The following DPYD variants were observed in gnomAD, a reference collection of about 807,000 sequenced individuals.
DPYD encodes the protein dihydropyrimidine dehydrogenase [NADP(+)].
Under a neutral mutation model 116.2 loss-of-function variants are expected in DPYD, and 109 were observed. The observed-to-expected ratio is 0.94, with a 90% CI of 0.80 to 1.10. The LOEUF (loss-of-function observed/expected upper bound fraction) is 1.10, where lower values mean the gene tolerates loss of function less well. Among genes scored for constraint, DPYD ranks in the 50% least tolerant of loss-of-function variants. The probability of loss-of-function intolerance (pLI) is 0.00; values close to 1 mark genes in which losing one functional copy is unlikely to be tolerated. For missense variants in DPYD, 1,302 were observed against 1,254.5 expected, an observed-to-expected ratio of 1.04 and a Z score of -0.57; for synonymous variants, 440 against 432.0, an observed-to-expected ratio of 1.02 and a Z score of -0.23.
At chr1:97,871,611 A>T (rs1270972648) in intron 2 of DPYD, among the ~76,000 whole-genome samples, 1 of 151,496 alleles carries the variant, frequency 6.6e-6, no homozygotes, top group African/African-American at 2.4e-5. Context: ...AAAATCACAG[A>T]AAAAGAATCC....
chr1:97,639,337 G>T, intron 8 of DPYD, among the ~76,000 whole-genome samples: 1 of 152,032 alleles, frequency 6.6e-6, no homozygotes, highest in East Asian at 1.9e-4. Context: ...ATATGTGTGT[G>T]TACTAAATTA....
intron 20 of DPYD, among the ~76,000 whole-genome samples, chr1:97,175,646 T>C (rs1657195517): frequency 6.6e-6 from 1 of 152,186 alleles, no homozygotes; most frequent in Admixed American, 6.5e-5. Context: ...GTCTAGAGAA[T>C]GTCTGTTTCT....
chr1:97,306,197 A>T lies in DPYD; in HGVS notation c.2159T>A (p.Ile720Asn), dbSNP rs1344721835. 2.5e-6 allele frequency: 4 copies of T among 1,612,588 alleles called. No homozygotes were observed. In the Admixed American group the frequency reaches 5.0e-5, roughly 20 times the overall value. Residue 720 changes from isoleucine (I) to asparagine (N), a missense_variant, in exon 17 of 23, where the codon ATC (isoleucine) becomes AAC (asparagine). By Grantham distance (149) the Ile-to-Asn change is moderately radical. Transcript: ENST00000370192. Reference protein sequence around the residue: ...LTPNVTDIVSIARAAKEGGAN... With the variant: ...LTPNVTDIVSNARAAKEGGAN... The stretch of plus-strand genomic sequence containing the variant: ...CTTACCTTCCTTTGCAGCTCTTGCG[A>T]TGCTCACAATATCAGTGACATTTGG...
chr1:97,317,202 G>C (rs2101082245), intron 16 of DPYD, among the ~76,000 whole-genome samples: 1 of 152,048 alleles, frequency 6.6e-6, no homozygotes, highest in East Asian at 2.0e-4. Flanking sequence ...CATACAAAAA[G>C]GGTGTCATCC....
intron 11 of DPYD, among the ~76,000 whole-genome samples, chr1:97,571,697 CATGAAT>C (rs1306692165): frequency 6.6e-6 from 1 of 151,962 alleles, no homozygotes; most frequent in East Asian, 1.9e-4. Flanking sequence ...AGAGGATTAA[CATGAAT>C]ATCTTCTCTT....
At chr1:97,352,661 A>AT (rs937115478) in intron 16 of DPYD, among the ~76,000 whole-genome samples, 27 of 150,614 alleles carry the variant, frequency 1.8e-4, no homozygotes, top group African/African-American at 2.4e-4. Flanking sequence ...TGGTTGTTTG[A>AT]TTTTTTTTTC....
intron 16 of DPYD, among the ~76,000 whole-genome samples, chr1:97,369,898 C>T (rs948298320): frequency 6.6e-6 from 1 of 152,124 alleles, no homozygotes; most frequent in Non-Finnish European, 1.5e-5. Flanking sequence ...AAAAAGCGAG[C>T]AGCATTAGTT....
chr1:97,644,666 G>A (rs1463589734), intron 8 of DPYD, among the ~76,000 whole-genome samples: 3 of 150,878 alleles, frequency 2.0e-5, no homozygotes, highest in African/African-American at 7.3e-5. Flanking sequence ...CACCACATTG[G>A]CCAGGCTGGT....
intron 2 of DPYD, among the ~76,000 whole-genome samples, chr1:97,861,286 T>C (rs1671102710): frequency 6.6e-6 from 1 of 151,510 alleles, no homozygotes; most frequent in Non-Finnish European, 1.5e-5. Flanking sequence ...GCTCCTTAAC[T>C]CAGGAAGAAA....
intron 8 of DPYD, among the ~76,000 whole-genome samples, chr1:97,678,040 A>G (rs1372317417): frequency 6.6e-6 from 1 of 152,158 alleles, no homozygotes; most frequent in Non-Finnish European, 1.5e-5. Context: ...GTGGTCCCCA[A>G]CCTTTTTGGC....
chr1:97,391,756 T>C (rs1672717148), intron 14 of DPYD, among the ~76,000 whole-genome samples: 1 of 152,016 alleles, frequency 6.6e-6, no homozygotes. Flanking sequence ...ACAAACCTCC[T>C]CATATCACAC....
intron 3 of DPYD, among the ~76,000 whole-genome samples, chr1:97,812,958 G>C (rs1668408735): frequency 6.6e-6 from 1 of 152,044 alleles, no homozygotes; most frequent in Non-Finnish European, 1.5e-5. Flanking sequence ...AAAAATTTCA[G>C]ATGAACAGAT....
At chr1:97,217,293 G>C (rs904859107) in intron 19 of DPYD, among the ~76,000 whole-genome samples, 4 of 152,182 alleles carry the variant, frequency 2.6e-5, no homozygotes, top group African/African-American at 9.6e-5. Context: ...TTGTATTTCA[G>C]TGTTGTACTT....
intron 2 of DPYD, among the ~76,000 whole-genome samples, chr1:97,840,558 C>T (rs887233925): frequency 2.0e-5 from 3 of 151,948 alleles, no homozygotes; most frequent in Non-Finnish European, 4.4e-5. Flanking sequence ...GTCTTCATTT[C>T]CCAAATATTT....
intron 3 of DPYD, chr1:97,775,122 C>T (rs979859168): frequency 6.4e-6 from 1 of 155,564 alleles, no homozygotes; most frequent in African/African-American, 2.4e-5. Flanking sequence ...TTCACTTGTA[C>T]TCTCAATTTC....
chr1:97,587,288 G>A (rs1290093705), intron 10 of DPYD, among the ~76,000 whole-genome samples: 1 of 152,184 alleles, frequency 6.6e-6, no homozygotes, highest in Non-Finnish European at 1.5e-5. Context: ...AAGATTTTGT[G>A]TGAGTGTTCG....
intron 3 of DPYD, among the ~76,000 whole-genome samples, chr1:97,793,443 T>C (rs1014507650): frequency 6.6e-6 from 1 of 152,112 alleles, no homozygotes. Flanking sequence ...TTGAGAACTA[T>C]AACTAACTGA....
chr1:97,319,343 A>G (rs1403356950), intron 16 of DPYD, among the ~76,000 whole-genome samples: 5 of 148,944 alleles, frequency 3.4e-5, no homozygotes, highest in Non-Finnish European at 1.5e-5. Flanking sequence ...AGCAAGACTA[A>G]TAAAGAAAAA....
rs191785510 is a variant in DPYD, at chr1:97,541,600, T to C, written c.1524+7960A>G. Among the ~76,000 whole-genome samples, 433 of 152,318 alleles carry C rather than the reference T, an allele frequency of 2.8e-3. 2 individuals carry two copies. Among genetic ancestry groups the C allele is most frequent in the Admixed American group, 6.1e-3 (93 of 15,304 alleles). Reference sequence around the variant, plus strand: ...AAAAAGGAAAATGAGAAAATATCTATATGCTTTAAATAAAATTATAAGCTT... The same window carrying C: ...AAAAAGGAAAATGAGAAAATATCTACATGCTTTAAATAAAATTATAAGCTT... On this transcript the variant is annotated intron_variant, in intron 12 of 22. Coordinates refer to ENST00000370192, the MANE Select transcript of DPYD (RefSeq NM_000110.4).
Sources: allele counts gnomAD v4.1 joint callset (sites outside exome capture counted in the v4.1 genomes callset), GRCh38; gene constraint gnomAD v4.1.1; transcripts MANE v1.5; gene names NCBI Gene and HGNC (gene_info 2026-07-23, HGNC 2026-07-21).